The following GNAQ variants were observed in gnomAD, a reference collection of about 807,000 sequenced individuals.
The protein encoded by GNAQ is G protein subunit alpha q.
A neutral mutation model predicts 43.9 loss-of-function variants in GNAQ; 8 were observed. That is an observed-to-expected ratio of 0.18 (90% CI 0.11 to 0.33). GNAQ has a LOEUF of 0.33. Ranked by LOEUF, GNAQ falls within the 10% of genes least tolerant of loss-of-function variation. GNAQ has a pLI of 1.00. For synonymous variants in GNAQ, 155 were observed against 170.7 expected (o/e 0.91, Z 0.71); for missense variants, 158 against 450.8 (o/e 0.35, Z 5.88).
intron 5 of GNAQ, among the ~76,000 whole-genome samples, chr9:77,793,395 A>G (rs1826607744): frequency 6.6e-6 from 1 of 152,142 alleles, no homozygotes; most frequent in South Asian, 2.1e-4. Flanking sequence ...ACATTGGTTC[A>G]CGGAAACTTT....
chr9:77,935,602 T>C (rs1450707963), intron 1 of GNAQ, among the ~76,000 whole-genome samples: 1 of 152,240 alleles, frequency 6.6e-6, no homozygotes. Context: ...AGTCCAAAGA[T>C]GCTTCTTGTG....
chr9:77,820,637 T>A (rs1312888712), intron 2 of GNAQ, among the ~76,000 whole-genome samples: 1 of 152,216 alleles, frequency 6.6e-6, no homozygotes, highest in Non-Finnish European at 1.5e-5. Context: ...GATCTACTGA[T>A]TCTCCTTTAC....
At chr9:77,721,876 A>G (rs1825319571) in intron 6 of GNAQ, among the ~76,000 whole-genome samples, 1 of 152,178 alleles carries the variant, frequency 6.6e-6, no homozygotes, top group Admixed American at 6.5e-5. Flanking sequence ...TGCTTGTTTC[A>G]GCTATATAAT....
chr9:78,016,958 G>A (rs1219831932), intron 1 of GNAQ, among the ~76,000 whole-genome samples: 2 of 150,228 alleles, frequency 1.3e-5, no homozygotes, highest in African/African-American at 2.4e-5. Context: ...GTTACGTTAC[G>A]TTATGTTATG....
chr9:77,864,179 T>A (rs1305056268), intron 2 of GNAQ, among the ~76,000 whole-genome samples: 1 of 151,232 alleles, frequency 6.6e-6, no homozygotes, highest in African/African-American at 2.4e-5. Context: ...TTTTTTTTTT[T>A]TTTTTTTAAA....
chr9:77,934,710 G>A (rs1219590847), intron 1 of GNAQ, among the ~76,000 whole-genome samples: 1 of 152,158 alleles, frequency 6.6e-6, no homozygotes, highest in Non-Finnish European at 1.5e-5. Context: ...ACCACAAAAG[G>A]ATCTGGAAGA....
chr9:77,791,679 TA>T (rs1022401442), intron 5 of GNAQ, among the ~76,000 whole-genome samples: 18 of 152,178 alleles, frequency 1.2e-4, no homozygotes. Flanking sequence ...TTAGAAATAT[TA>T]AAAAGCAAAA....
intron 5 of GNAQ, among the ~76,000 whole-genome samples, chr9:77,757,739 A>G (rs1443561128): frequency 1.3e-5 from 2 of 152,158 alleles, no homozygotes; most frequent in African/African-American, 2.4e-5. Context: ...TAAGTCCATT[A>G]ATGACATAAA....
At chr9:77,797,483 A>G in intron 4 of GNAQ, 37 bp downstream of exon 4, 1 of 1,564,998 alleles carries the variant, frequency 6.4e-7, no homozygotes, top group Non-Finnish European at 8.8e-7. Flanking sequence ...TCAAGGCATA[A>G]AAGCTGGGAA....
At chr9:77,904,937 T>C (rs1049288239) in intron 2 of GNAQ, among the ~76,000 whole-genome samples, 1 of 152,082 alleles carries the variant, frequency 6.6e-6, no homozygotes, top group Non-Finnish European at 1.5e-5. Flanking sequence ...TATACAAAAG[T>C]GAAATGGCAA....
At chr9:77,769,509 A>G (rs979551874) in intron 5 of GNAQ, among the ~76,000 whole-genome samples, 1 of 152,128 alleles carries the variant, frequency 6.6e-6, no homozygotes, top group Non-Finnish European at 1.5e-5. Flanking sequence ...CAATATTCAC[A>G]TAATTCTGTA....
chr9:77,914,353 G>A (rs1452056077), intron 2 of GNAQ, among the ~76,000 whole-genome samples: 1 of 152,124 alleles, frequency 6.6e-6, no homozygotes, highest in African/African-American at 2.4e-5. Flanking sequence ...AAAGTCCATA[G>A]ATTCCTTTAG....
chr9:77,782,887 A>T (rs1826416807), intron 5 of GNAQ, among the ~76,000 whole-genome samples: 1 of 152,220 alleles, frequency 6.6e-6, no homozygotes, highest in African/African-American at 2.4e-5. Context: ...GGAAGAAGCC[A>T]ATCTGAAAAG....
chr9:77,801,206 T>C (rs190730514), intron 3 of GNAQ, among the ~76,000 whole-genome samples: 1 of 152,250 alleles, frequency 6.6e-6, no homozygotes, highest in African/African-American at 2.4e-5. Flanking sequence ...TTGGATAAGA[T>C]GGAATCAGGC....
At chr9:78,014,572 C>A (rs934280251) in intron 1 of GNAQ, among the ~76,000 whole-genome samples, 1 of 152,144 alleles carries the variant, frequency 6.6e-6, no homozygotes, top group Admixed American at 6.5e-5. Flanking sequence ...CGCCACTGCA[C>A]TCCAGCCTGG....
intron 1 of GNAQ, among the ~76,000 whole-genome samples, chr9:78,029,112 G>A (rs943103549): frequency 1.3e-5 from 2 of 152,170 alleles, no homozygotes; most frequent in East Asian, 1.9e-4. Context: ...AAGCATCCAT[G>A]TAAGTGTATT....
At chr9:77,843,138 T>C (rs1301846146) in intron 2 of GNAQ, among the ~76,000 whole-genome samples, 4 of 152,176 alleles carry the variant, frequency 2.6e-5, no homozygotes, top group African/African-American at 7.2e-5. Flanking sequence ...GATATCACTA[T>C]CTAAGATCAA....
At chr9:77,808,813 T>C (rs1383909201) in intron 3 of GNAQ, among the ~76,000 whole-genome samples, 1 of 151,912 alleles carries the variant, frequency 6.6e-6, no homozygotes, top group East Asian at 1.9e-4. Context: ...CCTAATATTT[T>C]CACCATACAA....
chr9:77,879,766 C>T (rs1587382948), intron 2 of GNAQ, among the ~76,000 whole-genome samples: 2 of 152,192 alleles, frequency 1.3e-5, no homozygotes, highest in African/African-American at 4.8e-5. Flanking sequence ...CGGTGAGATT[C>T]AACCGAAAGA....
Sources: allele counts gnomAD v4.1 joint callset (sites outside exome capture counted in the v4.1 genomes callset), GRCh38; gene constraint gnomAD v4.1.1; transcripts MANE v1.5; gene names NCBI Gene and HGNC (gene_info 2026-07-23, HGNC 2026-07-21).